TMEM232: variants seen among roughly 807,000 people sequenced by gnomAD.
TMEM232 encodes the protein transmembrane protein 232.
Under a neutral mutation model 78.8 loss-of-function variants are expected in TMEM232, and 80 were observed. The observed-to-expected ratio is 1.01, with a 90% CI of 0.85 to 1.22. TMEM232 has a LOEUF of 1.22. Ranked by LOEUF, TMEM232 falls within the 50% of genes most tolerant of loss-of-function variation. The probability of loss-of-function intolerance (pLI) is 0.00; values close to 1 mark genes in which losing one functional copy is unlikely to be tolerated. For missense variants in TMEM232, 881 were observed against 742.2 expected (o/e 1.19, Z -2.17); for synonymous variants, 297 against 254.3 (o/e 1.17, Z -1.60).
At chr5:110,393,512 C>T (rs1305451614) in intron 3 of TMEM232, among the ~76,000 whole-genome samples, 2 of 151,948 alleles carry the variant, frequency 1.3e-5, no homozygotes, top group Admixed American at 6.6e-5. Context: ...TATTTTTAGC[C>T]TATGTTTTTA....
intron 1 of TMEM232, chr5:110,684,829 AG>A (rs1793191599): frequency 6.6e-6 from 1 of 152,104 alleles, no homozygotes; most frequent in South Asian, 2.1e-4. Context: ...GACAAGGCAC[AG>A]GACCTGGGCT....
intron 12 of TMEM232, among the ~76,000 whole-genome samples, chr5:110,462,739 A>G (rs901922139): frequency 2.0e-5 from 3 of 152,154 alleles, no homozygotes; most frequent in African/African-American, 7.2e-5. Flanking sequence ...ACTCCCCTTT[A>G]TATATACATC....
At position 110,618,480 on chromosome 5, in the gene TMEM232, T is replaced by C; in HGVS notation, c.851A>G (p.Asn284Ser). ...CVQNNSPQLN[N>S]VLEHLVFHKT... is the part of the protein sequence containing the mutation. ...ATGGAAGACGAGATGTTCAAGCACG[T>C]TATTCAACTGAGGACTGTTATTCTG... Residue 284 changes from asparagine to serine, a missense_variant, in exon 8 of 14, where the codon AAC becomes AGC. Physicochemically the swap from Asn to Ser is conservative, Grantham distance 46. Coordinates refer to ENST00000455884, the MANE Select transcript of TMEM232 (RefSeq NM_001039763.4). The C allele has an allele frequency of 6.4e-7, 1 of 1,551,722 alleles. No individual in the cohort carries two copies. The highest frequency in any genetic ancestry group is 8.7e-7 in the Non-Finnish European group (1 of 1,146,884).
chr5:110,668,510 G>A (rs935607674), intron 1 of TMEM232, among the ~76,000 whole-genome samples: 1 of 152,100 alleles, frequency 6.6e-6, no homozygotes, highest in African/African-American at 2.4e-5. Context: ...GCAGATCTGA[G>A]TGGCAATGGG....
chr5:110,555,749 A>G (rs1170476490), intron 11 of TMEM232, among the ~76,000 whole-genome samples: 2 of 152,126 alleles, frequency 1.3e-5, no homozygotes, highest in Non-Finnish European at 2.9e-5. Context: ...ATAATTACAT[A>G]ATGCCCTTCT....
chr5:110,436,274 T>A lies in TMEM232; in HGVS notation c.1704-11358A>T, dbSNP rs906982311. ...ATGTCCTCTTTTGAGAAATGTCTAT[T>A]GAAATATTTTTTCCTATTTTAAATC... is the stretch of plus-strand genomic sequence containing the variant. On this transcript the variant is annotated intron_variant, in intron 12 of 13. Transcript: ENST00000455884. Among the ~76,000 whole-genome samples, 25 of 152,218 alleles carry A rather than the reference T, an allele frequency of 1.6e-4. 1 individual carries two copies. The highest frequency in any genetic ancestry group is 7.7e-4 in the East Asian group (4 of 5,172).
chr5:110,604,775 T>C (rs1781341260), intron 10 of TMEM232, among the ~76,000 whole-genome samples: 1 of 152,074 alleles, frequency 6.6e-6, no homozygotes, highest in Non-Finnish European at 1.5e-5. Flanking sequence ...CTGGCCAACA[T>C]GGCAAAACCC....
chr5:110,687,090 T>C (rs1245049405), intron 1 of TMEM232, among the ~76,000 whole-genome samples: 1 of 152,148 alleles, frequency 6.6e-6, no homozygotes, highest in Non-Finnish European at 1.5e-5. Flanking sequence ...TAACTGCTTA[T>C]CTACCATTCT....
intron 11 of TMEM232, among the ~76,000 whole-genome samples, chr5:110,538,441 T>C (rs567137071): frequency 3.9e-5 from 6 of 152,276 alleles, no homozygotes; most frequent in South Asian, 4.1e-4. Context: ...GCAGCCATCA[T>C]TGGCAATACC....
intron 1 of TMEM232, among the ~76,000 whole-genome samples, chr5:110,691,281 T>A (rs1794091047): frequency 6.6e-6 from 1 of 152,190 alleles, no homozygotes; most frequent in Non-Finnish European, 1.5e-5. Context: ...AAAATCACAA[T>A]GAGCTGATAC....
At chr5:110,426,230 C>T (rs1254848769) in intron 12 of TMEM232, among the ~76,000 whole-genome samples, 1 of 151,938 alleles carries the variant, frequency 6.6e-6, no homozygotes, top group Admixed American at 6.6e-5. Flanking sequence ...TGGATATTTT[C>T]TTCCTTATAC....
chr5:110,532,924 T>TC (rs542741380), intron 11 of TMEM232, among the ~76,000 whole-genome samples: 1 of 151,978 alleles, frequency 6.6e-6, no homozygotes, highest in East Asian at 1.9e-4. Flanking sequence ...TCCTTACAAT[T>TC]CCCCCATTTT....
chr5:110,639,756 A>G (rs1315961294), intron 4 of TMEM232, among the ~76,000 whole-genome samples: 1 of 152,216 alleles, frequency 6.6e-6, no homozygotes, highest in Non-Finnish European at 1.5e-5. Flanking sequence ...AGCAGTCCCC[A>G]ACCTTTTTGG....
At chr5:110,533,291 C>A (rs1349058655) in intron 11 of TMEM232, among the ~76,000 whole-genome samples, 3 of 152,174 alleles carry the variant, frequency 2.0e-5, no homozygotes, top group African/African-American at 7.2e-5. Context: ...CTCATAAAAG[C>A]ACACATGCTC....
intron 10 of TMEM232, among the ~76,000 whole-genome samples, chr5:110,594,916 G>A (rs569525903): frequency 6.6e-6 from 1 of 152,334 alleles, no homozygotes; most frequent in Admixed American, 6.5e-5. Flanking sequence ...CAGTGCTTAA[G>A]CTCTGCTAAA....
At chr5:110,658,375 T>C (rs998555560) in intron 2 of TMEM232, among the ~76,000 whole-genome samples, 2 of 152,186 alleles carry the variant, frequency 1.3e-5, no homozygotes, top group Non-Finnish European at 2.9e-5. Context: ...TTTACGTTTC[T>C]GTTTCAGTCT....
At chr5:110,624,796 G>T (rs974520954) in intron 7 of TMEM232, among the ~76,000 whole-genome samples, 1 of 151,928 alleles carries the variant, frequency 6.6e-6, no homozygotes, top group African/African-American at 2.4e-5. Context: ...AAATTATAAG[G>T]TAACACATAA....
rs193231827 is a variant in TMEM232 at position 110,713,116 on chromosome 5, G to A, written c.-13+13511C>T. 1.0e-3 allele frequency among the ~76,000 whole-genome samples: 153 copies of A among 151,694 alleles called. 2 individuals carry two copies. In the East Asian group the frequency reaches 0.021, roughly 21 times the overall value. On this transcript the variant is annotated intron_variant, in intron 1 of 13. Coordinates refer to ENST00000455884, the MANE Select transcript of TMEM232 (RefSeq NM_001039763.4). ...TCTCTAATTTGCAACAATATGGATA[G>A]TCATTATGTTAAGAGAAAAAAAAAA... is the stretch of plus-strand genomic sequence containing the variant.
chr5:110,694,442 T>C (rs1794518169), intron 1 of TMEM232, among the ~76,000 whole-genome samples: 1 of 152,118 alleles, frequency 6.6e-6, no homozygotes, highest in Non-Finnish European at 1.5e-5. Context: ...GGGATCAAAT[T>C]CATACATAAC....
Sources: gnomAD v4.1 joint callset for allele counts (sites outside exome capture counted in the v4.1 genomes callset) on GRCh38, gnomAD v4.1.1 for gene constraint, MANE v1.5 for transcripts, NCBI Gene and HGNC (gene_info 2026-07-23, HGNC 2026-07-21) for gene names.